Variants in DENND2A observed in about 807,000 individuals in gnomAD.
The protein encoded by DENND2A is DENN domain-containing protein 2A.
A neutral mutation model predicts 105.3 loss-of-function variants in DENND2A; 53 were observed. That is an observed-to-expected ratio of 0.50 (90% CI 0.40 to 0.63). The LOEUF is 0.63. Ranked by LOEUF, DENND2A falls within the 30% of genes least tolerant of loss-of-function variation. The probability of loss-of-function intolerance (pLI) is 0.00; values close to 1 mark genes in which losing one functional copy is unlikely to be tolerated. For synonymous variants in DENND2A, 522 were observed against 508.4 expected (o/e 1.03, Z -0.36); for missense variants, 1,138 against 1,279.6 (o/e 0.89, Z 1.69).
At chr7:140,603,721 A>G (rs1181595155) in intron 2 of DENND2A, among the ~76,000 whole-genome samples, 1 of 152,158 alleles carries the variant, frequency 6.6e-6, no homozygotes, top group Non-Finnish European at 1.5e-5. Flanking sequence ...GAAATGCACT[A>G]TCTAATAGAG....
intron 3 of DENND2A, among the ~76,000 whole-genome samples, chr7:140,600,412 G>A (rs1332778038): frequency 1.3e-5 from 2 of 152,032 alleles, no homozygotes; most frequent in Non-Finnish European, 2.9e-5. Context: ...TTGAGGTGGG[G>A]ATAGGTTCGG....
intron 1 of DENND2A, among the ~76,000 whole-genome samples, chr7:140,627,985 T>C (rs1186355453): frequency 1.3e-5 from 2 of 152,036 alleles, no homozygotes; most frequent in African/African-American, 4.8e-5. Flanking sequence ...AGAGATGGGG[T>C]TTCACCATGT....
At chr7:140,592,565 G>T (rs1799104135) in intron 3 of DENND2A, among the ~76,000 whole-genome samples, 2 of 150,512 alleles carry the variant, frequency 1.3e-5, no homozygotes, top group Non-Finnish European at 3.0e-5. Context: ...AGCTGGTCTT[G>T]AACTCCTGAC....
chr7:140,617,180 G>T (rs1037887953), intron 1 of DENND2A, among the ~76,000 whole-genome samples: 1 of 152,178 alleles, frequency 6.6e-6, no homozygotes, highest in African/African-American at 2.4e-5. Context: ...TTTTACTCCA[G>T]TAAATGCTTC....
At chr7:140,556,979 A>C (rs1797388676) in intron 11 of DENND2A, among the ~76,000 whole-genome samples, 1 of 152,012 alleles carries the variant, frequency 6.6e-6, no homozygotes, top group Non-Finnish European at 1.5e-5. Flanking sequence ...GAATTATTTG[A>C]GTCTTCTCTC....
chr7:140,549,442 G>A (rs940328856), intron 12 of DENND2A, among the ~76,000 whole-genome samples: 1 of 152,010 alleles, frequency 6.6e-6, no homozygotes, highest in Non-Finnish European at 1.5e-5. Flanking sequence ...ATTTTTAGTA[G>A]AGACGGAATT....
intron 1 of DENND2A, among the ~76,000 whole-genome samples, chr7:140,630,179 C>T (rs968780715): frequency 4.6e-5 from 7 of 151,648 alleles, no homozygotes; most frequent in Non-Finnish European, 8.8e-5. Flanking sequence ...GGCACCATCG[C>T]GGCTCACTGC....
At chr7:140,626,469 G>A (rs1309948248) in intron 1 of DENND2A, among the ~76,000 whole-genome samples, 1 of 152,148 alleles carries the variant, frequency 6.6e-6, no homozygotes. Context: ...GGACAGCCTC[G>A]GGGCCTGTGC....
chr7:140,580,849 C>A (rs111888492), intron 5 of DENND2A, among the ~76,000 whole-genome samples: 3,589 of 150,134 alleles, frequency 0.024, 127 homozygotes, highest in African/African-American at 0.083. Flanking sequence ...GTTGGCCAGG[C>A]TGATCTCGAA....
At chr7:140,544,810 G>A (rs781653466) in intron 13 of DENND2A, 44 bp from the exon 14 acceptor site, 27 of 1,551,206 alleles carry the variant, frequency 1.7e-5, no homozygotes, top group Middle Eastern at 2.0e-4. Context: ...GCCCAGCTAC[G>A]CAGCCAGGCC....
intron 14 of DENND2A, among the ~76,000 whole-genome samples, chr7:140,540,086 A>C (rs1796606021): frequency 6.6e-6 from 1 of 152,210 alleles, no homozygotes; most frequent in Non-Finnish European, 1.5e-5. Context: ...GTGATGGCGG[A>C]GGGATGTGTA....
intron 14 of DENND2A, 65 bp downstream of exon 14, chr7:140,544,553 C>T (rs1220900503): frequency 1.2e-6 from 2 of 1,604,526 alleles, no homozygotes; most frequent in East Asian, 4.5e-5. Flanking sequence ...ACCTGCTCTA[C>T]AGACTAGAGG....
chr7:140,565,596 T>C (rs1177703401), intron 9 of DENND2A, among the ~76,000 whole-genome samples: 1 of 152,164 alleles, frequency 6.6e-6, no homozygotes, highest in Non-Finnish European at 1.5e-5. Flanking sequence ...ATTTATTTTA[T>C]TTTAGGTGCC....
intron 5 of DENND2A, among the ~76,000 whole-genome samples, chr7:140,575,829 C>T (rs1433320284): frequency 1.3e-5 from 2 of 152,018 alleles, no homozygotes; most frequent in African/African-American, 4.8e-5. Flanking sequence ...ATTAGCCTGA[C>T]GTGGTGGCAT....
chr7:140,584,054 C>T (rs371875946), intron 5 of DENND2A, among the ~76,000 whole-genome samples: 1 of 148,360 alleles, frequency 6.7e-6, no homozygotes, highest in Non-Finnish European at 1.5e-5. Flanking sequence ...CCAGCCTGGC[C>T]AACATGGTGA....
At chr7:140,539,998 C>T (rs1397516087) in intron 14 of DENND2A, among the ~76,000 whole-genome samples, 8 of 152,208 alleles carry the variant, frequency 5.3e-5, no homozygotes, top group Non-Finnish European at 1.0e-4. Context: ...TGCGGGGCCG[C>T]GTCTTATGAA....
chr7:140,637,575 C>T (rs1800995516), intron 1 of DENND2A, among the ~76,000 whole-genome samples: 2 of 152,208 alleles, frequency 1.3e-5, no homozygotes, highest in Admixed American at 1.3e-4. Flanking sequence ...CTCTGGTCTG[C>T]TGAGTCCCAC....
At chr7:140,624,931 T>A (rs1469936000) in intron 1 of DENND2A, among the ~76,000 whole-genome samples, 1 of 150,690 alleles carries the variant, frequency 6.6e-6, no homozygotes, top group African/African-American at 2.5e-5. Context: ...AGCGCAGTGA[T>A]GTGAATACAG....
Position 140,587,754 on chromosome 7 carries a change from A to G in DENND2A, c.1022T>C (p.Leu341Pro), listed in dbSNP as rs1447776429. The change falls in exon 4 of 20, where the codon CTG becomes CCG. Residue 341 changes from leucine (L) to proline (P), a missense_variant. By Grantham distance (98) the Leu-to-Pro change is moderately conservative (BLOSUM62 -3). Around this residue, in one of 2 missense-constraint regions of DENND2A, gnomAD observed 511 missense variants for 499.9 expected, o/e 1.02. Transcript: ENST00000496613. ...CCTGCTGCTCTCAGAGGAAGACTGC[A>G]GTAAATCTTCAAACTCATAGGACTT... The part of the protein sequence containing the change: ...HRKSYEFEDL[L>P]QSSSESSRVD... 3 of 1,605,468 alleles carry G rather than the reference A, an allele frequency of 1.9e-6. No individual in the cohort carries two copies. The highest frequency in any genetic ancestry group is 1.7e-6 in the Non-Finnish European group (2 of 1,173,602).
Sources: allele counts gnomAD v4.1 joint callset (sites outside exome capture counted in the v4.1 genomes callset), GRCh38; gene constraint gnomAD v4.1.1; regional missense constraint gnomAD v4.1.1; transcripts MANE v1.5; gene names NCBI Gene and HGNC (gene_info 2026-07-23, HGNC 2026-07-21).